CADM2: variants seen among roughly 807,000 people sequenced by gnomAD.
The protein encoded by CADM2 is cell adhesion molecule 2, also known as immunoglobulin superfamily member 4D.
Under a neutral mutation model 49.8 loss-of-function variants are expected in CADM2, and 12 were observed. The ratio of observed to expected loss-of-function variants is 0.24; its 90% CI spans 0.15 to 0.39. The LOEUF is 0.39. Among genes scored for constraint, CADM2 ranks in the 10% least tolerant of loss-of-function variants. The probability of loss-of-function intolerance (pLI) is 1.00; values close to 1 mark genes in which losing one functional copy is unlikely to be tolerated. For synonymous variants in CADM2, 214 were observed against 175.4 expected (o/e 1.22, Z -1.74); for missense variants, 378 against 492.3 (o/e 0.77, Z 2.20).
chr3:85,139,312 C>A (rs1189868071), intron 1 of CADM2, among the ~76,000 whole-genome samples: 1 of 151,962 alleles, frequency 6.6e-6, no homozygotes, highest in Non-Finnish European at 1.5e-5. Context: ...TTTTGGAATT[C>A]TTTTGAACTA....
chr3:85,610,251 T>C (rs1449399), intron 1 of CADM2, among the ~76,000 whole-genome samples: 28,815 of 151,902 alleles, frequency 0.19, 3,402 homozygotes, highest in East Asian at 0.53. Flanking sequence ...CAAATGGTAG[T>C]GGTCCCCATG....
At chr3:85,409,387 A>G (rs1576501243) in intron 1 of CADM2, among the ~76,000 whole-genome samples, 1 of 152,184 alleles carries the variant, frequency 6.6e-6, no homozygotes, top group East Asian at 1.9e-4. Context: ...GGTCAGCATC[A>G]TATTAAGTAC....
At chr3:85,340,989 A>T (rs537396204) in intron 1 of CADM2, among the ~76,000 whole-genome samples, 1 of 151,858 alleles carries the variant, frequency 6.6e-6, no homozygotes, top group South Asian at 2.1e-4. Context: ...GAAGTCTAAT[A>T]TTTACATTGT....
chr3:85,981,728 T>C (rs1577855801), intron 8 of CADM2, among the ~76,000 whole-genome samples: 1 of 151,908 alleles, frequency 6.6e-6, no homozygotes, highest in Admixed American at 6.6e-5. Context: ...AATGCATATG[T>C]ACCACATTTT....
intron 1 of CADM2, among the ~76,000 whole-genome samples, chr3:84,962,825 A>AT (rs2030668414): frequency 1.3e-5 from 2 of 152,074 alleles, no homozygotes; most frequent in Non-Finnish European, 2.9e-5. Flanking sequence ...TCATTTGAAC[A>AT]TATCTTCTCC....
At chr3:85,462,726 A>C (rs565678075) in intron 1 of CADM2, among the ~76,000 whole-genome samples, 1 of 152,278 alleles carries the variant, frequency 6.6e-6, no homozygotes, top group East Asian at 1.9e-4. Context: ...CTAAAATACT[A>C]TTTACAATTA....
At chr3:85,830,563 C>G (rs1335430908) in intron 3 of CADM2, among the ~76,000 whole-genome samples, 1 of 151,746 alleles carries the variant, frequency 6.6e-6, no homozygotes, top group African/African-American at 2.4e-5. Flanking sequence ...TTTTGTTGCT[C>G]AGGCTTTGGT....
chr3:85,026,194 A>G (rs1393852669), intron 1 of CADM2, among the ~76,000 whole-genome samples: 2 of 152,194 alleles, frequency 1.3e-5, no homozygotes, highest in Admixed American at 1.3e-4. Context: ...TGTCTTTGTG[A>G]GTTATACATT....
intron 8 of CADM2, among the ~76,000 whole-genome samples, chr3:86,062,301 A>G (rs1454284073): frequency 6.6e-6 from 1 of 152,222 alleles, no homozygotes; most frequent in Admixed American, 6.5e-5. Context: ...GAATTCAGAA[A>G]TATGACAGGT....
At chr3:85,281,987 T>C (rs2043511233) in intron 1 of CADM2, among the ~76,000 whole-genome samples, 1 of 152,020 alleles carries the variant, frequency 6.6e-6, no homozygotes, top group Admixed American at 6.6e-5. Flanking sequence ...AAGAAAGAAG[T>C]TTCTTAAAAT....
chr3:85,873,943 A>T (rs1002072745), intron 3 of CADM2, among the ~76,000 whole-genome samples: 52 of 152,252 alleles, frequency 3.4e-4, no homozygotes, highest in African/African-American at 1.2e-3. Context: ...AGCAAGATCA[A>T]GTGGTGAAAC....
chr3:85,960,468 G>T (rs531329556), intron 7 of CADM2, among the ~76,000 whole-genome samples: 3 of 151,894 alleles, frequency 2.0e-5, no homozygotes, highest in Non-Finnish European at 4.4e-5. Context: ...GGAGGTACTA[G>T]ATGAAGCATC....
intron 1 of CADM2, among the ~76,000 whole-genome samples, chr3:85,424,256 T>C (rs2036297593): frequency 1.3e-5 from 2 of 152,016 alleles, no homozygotes; most frequent in African/African-American, 4.8e-5. Context: ...ATTGAAGAGA[T>C]ATTTATTTTG....
chr3:85,558,054 C>CTAAT (rs1343660735), intron 1 of CADM2, among the ~76,000 whole-genome samples: 1 of 151,930 alleles, frequency 6.6e-6, no homozygotes, highest in African/African-American at 2.4e-5. Flanking sequence ...AAAACCAGTC[C>CTAAT]TAATTATATT....
At chr3:85,246,611 C>G (rs757589828) in intron 1 of CADM2, among the ~76,000 whole-genome samples, 1 of 151,886 alleles carries the variant, frequency 6.6e-6, no homozygotes, top group Non-Finnish European at 1.5e-5. Flanking sequence ...ATAAATTTGT[C>G]TCATTCTAGG....
At chr3:85,886,134 A>C in intron 4 of CADM2, 56 bp from the exon 5 acceptor site, 2 of 1,599,100 alleles carry the variant, frequency 1.3e-6, no homozygotes, top group Non-Finnish European at 8.5e-7. Context: ...TAATAGACAT[A>C]ATAACAAATC....
chr3:85,604,512 G>A (rs1035787296), intron 1 of CADM2, among the ~76,000 whole-genome samples: 5 of 151,908 alleles, frequency 3.3e-5, no homozygotes, highest in African/African-American at 1.2e-4. Context: ...CTAAAACCTG[G>A]TTGTGATATA....
chr3:85,040,522 G>GA (rs575150297), intron 1 of CADM2, among the ~76,000 whole-genome samples: 9,906 of 143,314 alleles, frequency 0.069, 534 homozygotes, highest in Admixed American at 0.18. Context: ...TCTCTTGGGT[G>GA]AAAAAAAAAA....
intron 1 of CADM2, among the ~76,000 whole-genome samples, chr3:85,479,677 T>C (rs2039129271): frequency 6.6e-6 from 1 of 151,884 alleles, no homozygotes; most frequent in African/African-American, 2.4e-5. Context: ...AACTAGTAAT[T>C]TACCCTAGAA....
Sources: allele counts gnomAD v4.1 joint callset (sites outside exome capture counted in the v4.1 genomes callset), GRCh38; gene constraint gnomAD v4.1.1; transcripts MANE v1.5; gene names NCBI Gene and HGNC (gene_info 2026-07-23, HGNC 2026-07-21).